The following TANGO6 variants were observed in gnomAD, a reference collection of about 807,000 sequenced individuals.
TANGO6 encodes transport and golgi organization 6 homolog, also known as transport and Golgi organization protein 6 homolog.
In TANGO6, 90 loss-of-function variants were observed where a neutral mutation model predicts 114.2. The observed-to-expected ratio is 0.79, with a 90% CI of 0.66 to 0.94. TANGO6 has a LOEUF of 0.94. Among genes scored for constraint, TANGO6 ranks in the 40% least tolerant of loss-of-function variants. The probability of loss-of-function intolerance (pLI) is 0.00; values close to 1 mark genes in which losing one functional copy is unlikely to be tolerated. For missense variants in TANGO6, 1,274 were observed against 1,315.3 expected (o/e 0.97, Z 0.49); for synonymous variants, 477 against 509.8 (o/e 0.94, Z 0.87).
At chr16:68,878,401 C>T (rs1962403420) in intron 6 of TANGO6, 121 bp downstream of exon 6, 2 of 1,224,748 alleles carry the variant, frequency 1.6e-6, no homozygotes, top group Middle Eastern at 2.0e-4. Flanking sequence ...CTCCCCCCAA[C>T]TTTTTATTTT....
intron 7 of TANGO6, among the ~76,000 whole-genome samples, chr16:68,883,198 A>C (rs1962488850): frequency 6.6e-6 from 1 of 152,112 alleles, no homozygotes; most frequent in Non-Finnish European, 1.5e-5. Flanking sequence ...CTCTGCCTCA[A>C]AAAAAGAAAA....
At chr16:68,936,996 C>T (rs906981803) in intron 14 of TANGO6, among the ~76,000 whole-genome samples, 6 of 151,954 alleles carry the variant, frequency 3.9e-5, no homozygotes, top group South Asian at 2.1e-4. Context: ...GGCAAAAGCC[C>T]GGAAGGGGGA....
intron 3 of TANGO6, among the ~76,000 whole-genome samples, chr16:68,864,905 G>A (rs1962152802): frequency 6.6e-6 from 1 of 152,112 alleles, no homozygotes; most frequent in African/African-American, 2.4e-5. Flanking sequence ...CTCAGTAAAT[G>A]GTAATAATTC....
chr16:68,882,052 C>A (rs972619659), intron 7 of TANGO6, among the ~76,000 whole-genome samples: 1 of 151,958 alleles, frequency 6.6e-6, no homozygotes, highest in Non-Finnish European at 1.5e-5. Context: ...AACACTTTTA[C>A]ATTAGAAAAC....
intron 17 of TANGO6, among the ~76,000 whole-genome samples, chr16:69,051,245 T>C (rs2152237248): frequency 6.6e-6 from 1 of 152,288 alleles, no homozygotes; most frequent in African/African-American, 2.4e-5. Context: ...GTTTTGGTTT[T>C]TAAATTTACT....
intron 15 of TANGO6, among the ~76,000 whole-genome samples, chr16:69,018,440 G>A (rs1320015922): frequency 1.3e-5 from 2 of 150,480 alleles, no homozygotes; most frequent in South Asian, 2.1e-4. Context: ...GAGCCACCGC[G>A]CCCGGCCGGA....
chr16:69,031,910 G>T (rs1017489704), intron 16 of TANGO6, among the ~76,000 whole-genome samples: 1 of 151,880 alleles, frequency 6.6e-6, no homozygotes, highest in African/African-American at 2.4e-5. Flanking sequence ...CAACCTGCCC[G>T]CCTCAGCCTG....
intron 13 of TANGO6, 44 bp downstream of exon 13, chr16:68,928,127 C>T (rs1450272950): frequency 5.3e-6 from 8 of 1,496,742 alleles, no homozygotes; most frequent in East Asian, 2.4e-5. Context: ...CAGGGTGGGG[C>T]ATTCATTCAA....
chr16:68,932,342 C>T (rs984174977), intron 14 of TANGO6, among the ~76,000 whole-genome samples: 3 of 150,394 alleles, frequency 2.0e-5, no homozygotes, highest in South Asian at 2.1e-4. Flanking sequence ...CCACCCGCCT[C>T]GGCCTCCCAA....
Position 68,877,980 on chromosome 16 carries a change from A to T in TANGO6, c.1132-138A>T, listed in dbSNP as rs949768043. 8.5e-6 allele frequency: 6 copies of T among 707,060 alleles called. No homozygotes were observed. In the Admixed American group the frequency reaches 2.1e-4, roughly 25 times the overall value. 43.8% of individuals were successfully genotyped at this position (707,060 alleles called of 1,614,324 possible). On this transcript the variant is annotated intron_variant, in intron 5 of 17. Coordinates refer to ENST00000261778, the MANE Select transcript of TANGO6 (RefSeq NM_024562.2). ...TTACCCTTTGATACTGGGTATGTTAAATTAAAAGAATTCTGTTGAATCAGT... is the reference window on the plus strand; with the variant it reads ...TTACCCTTTGATACTGGGTATGTTATATTAAAAGAATTCTGTTGAATCAGT...
chr16:69,077,562 C>T (rs943246713), intron 17 of TANGO6, among the ~76,000 whole-genome samples: 28 of 152,272 alleles, frequency 1.8e-4, no homozygotes, highest in Middle Eastern at 3.4e-3. Flanking sequence ...TGGTGGCTCA[C>T]GCCTGTAATC....
At chr16:69,027,114 G>A (rs1043091702) in intron 16 of TANGO6, among the ~76,000 whole-genome samples, 1 of 152,142 alleles carries the variant, frequency 6.6e-6, no homozygotes, top group Admixed American at 6.5e-5. Context: ...TGCGTGCCTC[G>A]GCCTCCCGAA....
intron 17 of TANGO6, among the ~76,000 whole-genome samples, chr16:69,047,485 G>GAA (rs967103347): frequency 1.4e-5 from 2 of 140,582 alleles, no homozygotes; most frequent in Non-Finnish European, 1.6e-5. Context: ...CATCTCAAAG[G>GAA]AAAAAAAAAA....
intron 7 of TANGO6, among the ~76,000 whole-genome samples, chr16:68,885,887 C>T (rs1179411626): frequency 1.3e-5 from 2 of 152,092 alleles, no homozygotes; most frequent in Non-Finnish European, 2.9e-5. Flanking sequence ...CCTATGTTAT[C>T]GTTTCTTTTG....
chr16:68,894,268 G>T (rs1962673929), intron 7 of TANGO6, among the ~76,000 whole-genome samples: 1 of 152,184 alleles, frequency 6.6e-6, no homozygotes, highest in Admixed American at 6.5e-5. Flanking sequence ...GAAGTGACCA[G>T]ATTCTACTTT....
intron 15 of TANGO6, among the ~76,000 whole-genome samples, chr16:69,005,520 G>A (rs1033746270): frequency 3.3e-5 from 5 of 152,078 alleles, no homozygotes; most frequent in Non-Finnish European, 5.9e-5. Context: ...GGCCAGGCAC[G>A]GTGGCTCATG....
rs375293628 is a variant in TANGO6 at position 69,026,694 on chromosome 16, G to A, written c.2994+3715G>A. ...TGGCAGAGTGAGAAGGTGAGTAGAG[G>A]AGAGGATCAAATCTGTTTGTTTGTT... On this transcript the variant is annotated intron_variant, in intron 16 of 17. Coordinates refer to ENST00000261778, the MANE Select transcript of TANGO6 (RefSeq NM_024562.2). 292 of 153,118 alleles carry A rather than the reference G, an allele frequency of 1.9e-3. 2 individuals are homozygous for A. In the South Asian group the frequency reaches 0.057, roughly 30 times the overall value. 9.5% of individuals were successfully genotyped at this position (153,118 alleles called of 1,614,324 possible). A position where few individuals can be genotyped will look rare whatever the true frequency, so the allele number is the denominator to read the frequency against.
chr16:69,016,286 T>C (rs1959296718), intron 15 of TANGO6, among the ~76,000 whole-genome samples: 1 of 152,020 alleles, frequency 6.6e-6, no homozygotes, highest in Non-Finnish European at 1.5e-5. Context: ...TAATCCCAGC[T>C]ACTTGGGAGG....
At chr16:68,947,473 G>A (rs977926531) in intron 14 of TANGO6, among the ~76,000 whole-genome samples, 6 of 150,980 alleles carry the variant, frequency 4.0e-5, no homozygotes, top group Non-Finnish European at 8.8e-5. Context: ...TTAAAAAGAT[G>A]TATTATGATT....
Sources: gnomAD v4.1 joint callset for allele counts (sites outside exome capture counted in the v4.1 genomes callset) on GRCh38, gnomAD v4.1.1 for gene constraint, MANE v1.5 for transcripts, NCBI Gene and HGNC (gene_info 2026-07-23, HGNC 2026-07-21) for gene names.